Variants in GPHN observed in about 807,000 individuals in gnomAD.
GPHN encodes gephyrin.
In GPHN, 17 loss-of-function variants were observed where a neutral mutation model predicts 95.5. That is an observed-to-expected ratio of 0.18 (90% CI 0.12 to 0.27). GPHN has a LOEUF of 0.27. Among genes scored for constraint, GPHN ranks in the 10% least tolerant of loss-of-function variants. The probability of loss-of-function intolerance (pLI) is 1.00; values close to 1 mark genes in which losing one functional copy is unlikely to be tolerated. For missense variants in GPHN, 660 were observed against 978.1 expected (o/e 0.67, Z 4.34); for synonymous variants, 320 against 322.5 (o/e 0.99, Z 0.08).
At chr14:66,797,409 A>G (rs2060197545) in intron 3 of GPHN, among the ~76,000 whole-genome samples, 2 of 151,942 alleles carry the variant, frequency 1.3e-5, no homozygotes, top group South Asian at 4.1e-4. Flanking sequence ...TTAAATCTGT[A>G]GATTGCTTTG....
At chr14:67,511,515 A>T in the GPHN span, among the ~76,000 whole-genome samples, 1 of 152,160 alleles carries the variant, frequency 6.6e-6, no homozygotes, top group East Asian at 1.9e-4. Context: ...CCCGAAAAAA[A>T]TATTAAACTC....
At chr14:67,429,389 C>T in the GPHN span, among the ~76,000 whole-genome samples, 1 of 151,686 alleles carries the variant, frequency 6.6e-6, no homozygotes. Context: ...CACCACCACG[C>T]CCAGCCAATT....
intron 4 of GPHN, among the ~76,000 whole-genome samples, chr14:66,862,244 A>C (rs901394565): frequency 1.4e-4 from 21 of 152,096 alleles, no homozygotes; most frequent in African/African-American, 4.8e-4. Context: ...CCCAGAAGAA[A>C]TGGACAAGTT....
intron 1 of GPHN, among the ~76,000 whole-genome samples, chr14:66,541,873 C>G (rs1167163290): frequency 6.6e-6 from 1 of 152,186 alleles, no homozygotes. Flanking sequence ...GATTTAGATT[C>G]TGTTCCATTT....
chr14:67,658,956 G>T, the GPHN span, among the ~76,000 whole-genome samples: 8 of 152,148 alleles, frequency 5.3e-5, no homozygotes, highest in Admixed American at 6.6e-5. Context: ...GCACTGGTGG[G>T]CCCCTTTCCA....
At chr14:66,744,905 C>T (rs2058080102) in intron 2 of GPHN, among the ~76,000 whole-genome samples, 1 of 151,984 alleles carries the variant, frequency 6.6e-6, no homozygotes, top group African/African-American at 2.4e-5. Flanking sequence ...TTGTATTTGA[C>T]ATTTGGATTA....
the GPHN span, among the ~76,000 whole-genome samples, chr14:67,245,121 A>T: frequency 6.6e-6 from 1 of 152,332 alleles, no homozygotes; most frequent in Non-Finnish European, 1.5e-5. Flanking sequence ...GCCAAGGGAG[A>T]CATATGCCAG....
chr14:66,957,620 C>G (rs2068615165), intron 8 of GPHN, among the ~76,000 whole-genome samples: 1 of 151,936 alleles, frequency 6.6e-6, no homozygotes, highest in African/African-American at 2.4e-5. Context: ...TATGGTATAT[C>G]CTCATGTTCA....
At chr14:67,204,497 A>T in the GPHN span, 1 of 1,573,002 alleles carries the variant, frequency 6.4e-7, no homozygotes, top group Non-Finnish European at 8.6e-7. Flanking sequence ...TAAGCCTCCC[A>T]TCAGGTCTCC....
intron 3 of GPHN, among the ~76,000 whole-genome samples, chr14:66,799,323 T>G (rs2060265177): frequency 6.6e-6 from 1 of 152,034 alleles, no homozygotes; most frequent in Non-Finnish European, 1.5e-5. Flanking sequence ...TAAATATCTA[T>G]TAGATCTATT....
intron 9 of GPHN, among the ~76,000 whole-genome samples, chr14:67,009,378 C>A (rs931156754): frequency 6.6e-6 from 1 of 152,114 alleles, no homozygotes; most frequent in Non-Finnish European, 1.5e-5. Context: ...ATGAAACTAA[C>A]ATAAATAAAT....
chr14:67,677,536 C>A, the GPHN span: 4 of 150,342 alleles, frequency 2.7e-5, no homozygotes, highest in Non-Finnish European at 5.9e-5. Context: ...TTAACTAGTC[C>A]CTTCATTTTG....
At chr14:67,603,608 C>T in the GPHN span, among the ~76,000 whole-genome samples, 2 of 152,150 alleles carry the variant, frequency 1.3e-5, no homozygotes, top group African/African-American at 4.8e-5. Flanking sequence ...TTGCCTTGGC[C>T]TCCTAAAGTG....
At chr14:67,275,800 CT>C in the GPHN span, among the ~76,000 whole-genome samples, 1 of 152,028 alleles carries the variant, frequency 6.6e-6, no homozygotes, top group African/African-American at 2.4e-5. Flanking sequence ...AATTTCAGAG[CT>C]ATTATTGGTG....
chr14:67,337,028 G>C, the GPHN span, among the ~76,000 whole-genome samples: 3 of 152,170 alleles, frequency 2.0e-5, no homozygotes, highest in East Asian at 1.9e-4. Flanking sequence ...TTTAACTTAA[G>C]ACTACTCAAG....
At chr14:67,281,734 TAGTA>T in the GPHN span, among the ~76,000 whole-genome samples, 1 of 152,128 alleles carries the variant, frequency 6.6e-6, no homozygotes, top group African/African-American at 2.4e-5. Flanking sequence ...CGGATTCACT[TAGTA>T]AGAGAACAGT....
At chr14:67,728,706 G>GGGT in the GPHN span, among the ~76,000 whole-genome samples, 1 of 151,026 alleles carries the variant, frequency 6.6e-6, no homozygotes, top group Non-Finnish European at 1.5e-5. Flanking sequence ...TATCTTGTGG[G>GGGT]GGGGGGGTGT....
chr14:67,224,399 C>A, the GPHN span, among the ~76,000 whole-genome samples: 1 of 151,886 alleles, frequency 6.6e-6, no homozygotes, highest in Non-Finnish European at 1.5e-5. Context: ...GCTGGGACTA[C>A]AGATGCGTGC....
At chr14:67,354,396 A>G in the GPHN span, among the ~76,000 whole-genome samples, 2 of 152,214 alleles carry the variant, frequency 1.3e-5, no homozygotes, top group Non-Finnish European at 2.9e-5. Context: ...AAATCTATCC[A>G]CTAATATATA....
Sources: allele counts gnomAD v4.1 joint callset (sites outside exome capture counted in the v4.1 genomes callset), GRCh38; gene constraint gnomAD v4.1.1; transcripts MANE v1.5; gene names NCBI Gene and HGNC (gene_info 2026-07-23, HGNC 2026-07-21).